The following SDCBP2 variants were observed in gnomAD, a reference collection of about 807,000 sequenced individuals.
SDCBP2 encodes syntenin-2.
A neutral mutation model predicts 30.7 loss-of-function variants in SDCBP2; 28 were observed. The observed-to-expected ratio is 0.91, with a 90% confidence interval of 0.68 to 1.25. SDCBP2 has a LOEUF of 1.25. Ranked by LOEUF, SDCBP2 falls within the 50% of genes most tolerant of loss-of-function variation. The pLI is 0.00. For synonymous variants in SDCBP2, 166 were observed against 157.3 expected, an observed-to-expected ratio of 1.06 and a Z score of -0.41; for missense variants, 399 against 379.0, an observed-to-expected ratio of 1.05 and a Z score of -0.44.
Position 1,310,895 on chromosome 20 carries a change from G to C in SDCBP2, c.733-4C>G, listed in dbSNP as rs1304258380. Reference sequence around the variant, plus strand: ...GAATCTCCATGATCTTTTTGTCCTAGGGAGGAGGCAAGTAAGCGATCACCC... The same window carrying C: ...GAATCTCCATGATCTTTTTGTCCTACGGAGGAGGCAAGTAAGCGATCACCC... On this transcript the variant is annotated splice_polypyrimidine_tract_variant and splice_region_variant and intron_variant, in intron 7 of 8. Transcript: ENST00000360779. 3.7e-6 allele frequency: 6 copies of C among 1,612,446 alleles called. No homozygotes were observed. Among genetic ancestry groups the C allele is most frequent in the South Asian group, 1.1e-5 (1 of 90,992 alleles).
chr20:1,319,674 G>A lies in SDCBP2; in HGVS notation c.55-15C>T. 6.5e-7 allele frequency: 1 copy of A among 1,547,142 alleles called. No homozygotes were observed. The highest frequency in any genetic ancestry group is 8.7e-7 in the Non-Finnish European group (1 of 1,145,292). ...CTGACCTGGGCCTGGGGAGGAGCAG[G>A]GAGCACTGGTCAGCTGTGGCCAGGA... is the stretch of plus-strand genomic sequence containing the variant. On this transcript the variant is annotated splice_polypyrimidine_tract_variant and intron_variant, in intron 2 of 8. Transcript: ENST00000360779.
Position 1,312,525 on chromosome 20 carries a change from T to A in SDCBP2, c.561-17A>T, listed in dbSNP as rs1256590972. On this transcript the variant is annotated splice_polypyrimidine_tract_variant and intron_variant, in intron 6 of 8. Coordinates refer to ENST00000360779, the MANE Select transcript of SDCBP2 (RefSeq NM_080489.5). ...TGGAACGGCCTGGCAGGAGGGACAG[T>A]GAGCTGTCCTGGGGACATGGCTGGG... is the stretch of plus-strand genomic sequence containing the variant. 1 of 1,613,956 alleles carries A rather than the reference T, an allele frequency of 6.2e-7. No homozygotes were observed. Among genetic ancestry groups the A allele is most frequent in the East Asian group, 2.2e-5 (1 of 44,876 alleles).
At chr20:1,310,600 C>A in intron 8 of SDCBP2, 105 bp from the exon 9 acceptor site, 1 of 1,181,764 alleles carries the variant, frequency 8.5e-7, no homozygotes. Context: ...GCCTTCACTC[C>A]CAGTTCTAAG....
In SDCBP2 at chr20:1,312,621, A is replaced by G; in HGVS notation, c.526T>C (p.Ser176Pro). The stretch of plus-strand genomic sequence containing the variant: ...ACCACCACGACAATCTTATCGCCTG[A>G]TGCCTTCTTCACCACCTGATGGGCT... ...HKAHQVVKKA[S>P]GDKIVVVVRD... The change falls in exon 6 of 9, where the codon TCA becomes CCA. Residue 176 changes from serine to proline, a missense_variant. Transcript: ENST00000360779. 1 of 1,614,046 alleles carries G rather than the reference A, an allele frequency of 6.2e-7. No homozygotes were observed. The highest frequency in any genetic ancestry group is 1.3e-5 in the African/African-American group (1 of 74,986).
At chr20:1,319,808 A>T (rs2122529084) in intron 2 of SDCBP2, 149 bp from the exon 3 acceptor site, 1 of 630,312 alleles carries the variant, frequency 1.6e-6, no homozygotes, top group Non-Finnish European at 2.7e-6. Context: ...AGGGCTCAAG[A>T]TCACGTAAAC....
At chr20:1,311,376 C>A (rs1230991986) in intron 7 of SDCBP2, among the ~76,000 whole-genome samples, 1 of 150,550 alleles carries the variant, frequency 6.6e-6, no homozygotes, top group Non-Finnish European at 1.5e-5. Context: ...CCTCTTACAT[C>A]CTCTTACATT....
chr20:1,312,891 C>G lies in SDCBP2; in HGVS notation c.385-129G>C. The G allele has an allele frequency of 2.9e-6, 3 of 1,033,400 alleles. No individual in the cohort carries two copies. The South Asian group carries it at 5.0e-5, about 17-fold the overall frequency. The allele number at this position is 1,033,400 out of a possible 1,614,324, so 64.0% of individuals were successfully genotyped here. A position where few individuals can be genotyped will look rare whatever the true frequency, so the allele number is the denominator to read the frequency against. ...GTGCCAGGGACACAGCTCTGCATGG[C>G]AGGCACCAAGGTTACCCCATTTACC... On this transcript the variant is annotated intron_variant, in intron 5 of 8. Coordinates refer to ENST00000360779, the MANE Select transcript of SDCBP2 (RefSeq NM_080489.5).
At chr20:1,327,348 G>A (rs780498740) in intron 1 of SDCBP2, among the ~76,000 whole-genome samples, 4 of 152,200 alleles carry the variant, frequency 2.6e-5, no homozygotes, top group Non-Finnish European at 5.9e-5. Context: ...GAGCTGAAGT[G>A]ATGGAACTCC....
chr20:1,317,642 G>A (rs1284748549), intron 4 of SDCBP2: 6 of 160,716 alleles, frequency 3.7e-5, no homozygotes, highest in East Asian at 3.6e-4. Flanking sequence ...TCAGATCCTC[G>A]TTTTGGCAGT....
At chr20:1,310,531 T>C in intron 8 of SDCBP2, 36 bp from the exon 9 acceptor site, 1 of 1,604,902 alleles carries the variant, frequency 6.2e-7, no homozygotes, top group Non-Finnish European at 8.5e-7. Flanking sequence ...GGTTGGCAGC[T>C]CCTTCTCTCC....
In SDCBP2 at chr20:1,310,318, G is replaced by T; in HGVS notation, c.*123C>A. On this transcript the variant is annotated 3_prime_UTR_variant, in exon 9 of 9. Transcript: ENST00000360779. The stretch of plus-strand genomic sequence containing the variant: ...ATCCCATGGTCACCCTCCTGGACAC[G>T]CCCCCCTCATGGCAGCCCCCACCTT... 1 of 968,442 alleles carries T rather than the reference G, an allele frequency of 1.0e-6. No homozygotes were observed. The highest frequency in any genetic ancestry group is 1.6e-6 in the Non-Finnish European group (1 of 624,344). 60.0% of individuals were successfully genotyped at this position (968,442 alleles called of 1,614,324 possible). A position where few individuals can be genotyped will look rare whatever the true frequency, so the allele number is the denominator to read the frequency against.
At position 1,313,385 on chromosome 20, in the gene SDCBP2, C is replaced by T; in HGVS notation, c.339G>A (p.Lys113=). 2 of 1,611,276 alleles carry T rather than the reference C, an allele frequency of 1.2e-6. No individual in the cohort carries two copies. The highest frequency in any genetic ancestry group is 4.5e-5 in the East Asian group (2 of 44,818). The change falls in exon 5 of 9, where the codon AAG becomes AAA. Residue 113 remains lysine, a synonymous_variant. Transcript: ENST00000360779. The surrounding 1 kb of genome is among the most constrained non-coding windows in gnomAD (Gnocchi z 5.2). ...KPGVREIHLC[K]DERGKTGLRL... ...TCAGCCCGGTCTTGCCGCGCTCGTC[C>T]TTGCACAGGTGGATCTCGCGCACCC...
intron 1 of SDCBP2, chr20:1,323,948 G>C (rs2088883494): frequency 6.6e-6 from 1 of 152,066 alleles, no homozygotes; most frequent in Non-Finnish European, 1.5e-5. Context: ...CAATATAATG[G>C]GGAATGGTTC....
intron 4 of SDCBP2, chr20:1,317,707 A>C (rs1333414726): frequency 5.0e-6 from 1 of 198,088 alleles, no homozygotes; most frequent in Non-Finnish European, 1.1e-5. Flanking sequence ...AACTTCATGA[A>C]ATTCCCCAGC....
chr20:1,327,431 C>A (rs902116613), intron 1 of SDCBP2, among the ~76,000 whole-genome samples: 1 of 152,186 alleles, frequency 6.6e-6, no homozygotes, highest in Non-Finnish European at 1.5e-5. Flanking sequence ...GTTAGAGTGT[C>A]AGAGGAATAG....
chr20:1,317,754 C>A, intron 4 of SDCBP2: 2 of 214,460 alleles, frequency 9.3e-6, no homozygotes, highest in South Asian at 7.2e-5. Context: ...TCAGTTTCAT[C>A]GGCTCAGGAC....
intron 7 of SDCBP2, among the ~76,000 whole-genome samples, chr20:1,311,383 C>T (rs2088666393): frequency 6.7e-6 from 1 of 148,872 alleles, no homozygotes; most frequent in Non-Finnish European, 1.5e-5. Flanking sequence ...CATCCTCTTA[C>T]ATTTGCTTGT....
Position 1,312,701 on chromosome 20 carries a change from C to A in SDCBP2, c.446G>T (p.Gly149Val). 1 of 1,614,140 alleles carries A rather than the reference C, an allele frequency of 6.2e-7. No individual in the cohort carries two copies. Among genetic ancestry groups the A allele is most frequent in the Non-Finnish European group, 8.5e-7 (1 of 1,180,032 alleles). The change falls in exon 6 of 9, where the codon GGG becomes GTG. Residue 149 changes from glycine (G) to valine (V), a missense_variant. Transcript: ENST00000360779. ...TPASLVGLRF[G>V]DQLLQIDGRD... Reference sequence around the variant, plus strand: ...CCCGTCAATCTGCAGGAGCTGGTCCCCAAAGCGCAGCCCCACAAGGGATGC... The same window carrying A: ...CCCGTCAATCTGCAGGAGCTGGTCCACAAAGCGCAGCCCCACAAGGGATGC...
chr20:1,319,957 T>C (rs2122529501), intron 2 of SDCBP2, among the ~76,000 whole-genome samples: 1 of 152,256 alleles, frequency 6.6e-6, no homozygotes, highest in East Asian at 1.9e-4. Flanking sequence ...CTGAAAAGTC[T>C]CCATTTCTCA....
Sources: allele counts gnomAD v4.1 joint callset (sites outside exome capture counted in the v4.1 genomes callset), GRCh38; gene constraint gnomAD v4.1.1; non-coding constraint Gnocchi (gnomAD v3.1); transcripts MANE v1.5; gene names NCBI Gene and HGNC (gene_info 2026-07-23, HGNC 2026-07-21).